UBAC2: variants seen among roughly 807,000 people sequenced by gnomAD.
UBAC2 encodes ubiquitin-associated domain-containing protein 2.
UBAC2 carries 26 observed loss-of-function variants against 44.0 expected under a neutral mutation model. That is an observed-to-expected ratio of 0.59 (90% CI 0.43 to 0.82). The LOEUF is 0.82. Ranked by LOEUF, UBAC2 falls within the 40% of genes least tolerant of loss-of-function variation. The pLI is 0.00. For missense variants in UBAC2, 329 were observed against 419.4 expected (o/e 0.78, Z 1.88); for synonymous variants, 155 against 154.3 (o/e 1.00, Z -0.04).
At chr13:99,201,452 AAC>A (rs776585568) in intron 1 of UBAC2, 27 of 1,613,968 alleles carry the variant, frequency 1.7e-5, no homozygotes, top group Non-Finnish European at 1.8e-5. Flanking sequence ...TTTTTAGACA[AAC>A]ACACACTGAT....
chr13:99,315,168 A>G lies in UBAC2; in HGVS notation c.513+948A>G, dbSNP rs138395730. On this transcript the variant is annotated intron_variant, in intron 5 of 8. Transcript: ENST00000403766. The stretch of plus-strand genomic sequence containing the variant: ...CAACCGTTTCTCATGAAATCTTTTT[A>G]TTCTCCATCTCTCAACCCCCGTACC... 3.4e-3 allele frequency among the ~76,000 whole-genome samples: 520 copies of G among 151,986 alleles called. 10 individuals carry two copies. Among genetic ancestry groups the G allele is most frequent in the Non-Finnish European group, 7.8e-4 (53 of 67,976 alleles).
intron 6 of UBAC2, among the ~76,000 whole-genome samples, chr13:99,327,968 C>T (rs535237069): frequency 4.6e-5 from 7 of 152,266 alleles, no homozygotes; most frequent in African/African-American, 1.4e-4. Context: ...AAAGCAGTCT[C>T]CTGACCATGA....
intron 1 of UBAC2, among the ~76,000 whole-genome samples, chr13:99,205,544 T>A (rs1248047374): frequency 6.6e-6 from 1 of 152,156 alleles, no homozygotes; most frequent in Non-Finnish European, 1.5e-5. Context: ...CTGTTATTTT[T>A]TGTTTTAAGA....
intron 4 of UBAC2, among the ~76,000 whole-genome samples, chr13:99,272,373 C>G (rs572487115): frequency 6.6e-6 from 1 of 152,184 alleles, no homozygotes; most frequent in African/African-American, 2.4e-5. Context: ...TCATGGCCAC[C>G]TTGTTTTATC....
chr13:99,250,524 T>C (rs571326473), intron 4 of UBAC2, among the ~76,000 whole-genome samples: 1 of 152,322 alleles, frequency 6.6e-6, no homozygotes, highest in South Asian at 2.1e-4. Context: ...TTTCTTTTTT[T>C]TCCCTTAGGA....
chr13:99,303,808 G>C (rs1156708331), intron 4 of UBAC2, among the ~76,000 whole-genome samples: 1 of 152,126 alleles, frequency 6.6e-6, no homozygotes, highest in East Asian at 1.9e-4. Flanking sequence ...TTATTTTATG[G>C]ATAAACTGAA....
At chr13:99,233,441 A>G (rs188829034) in intron 1 of UBAC2, among the ~76,000 whole-genome samples, 2 of 152,266 alleles carry the variant, frequency 1.3e-5, no homozygotes, top group South Asian at 2.1e-4. Context: ...CCATTTCCCA[A>G]CATTCCCTAA....
intron 6 of UBAC2, 70 bp from the exon 7 acceptor site, chr13:99,340,250 T>C (rs2044863595): frequency 9.6e-6 from 15 of 1,561,320 alleles, no homozygotes; most frequent in Non-Finnish European, 1.3e-5. Context: ...AGGCTGCTGA[T>C]TTTTGAGTCG....
chr13:99,222,722 CT>C (rs1392914840), intron 1 of UBAC2, among the ~76,000 whole-genome samples: 1 of 152,124 alleles, frequency 6.6e-6, no homozygotes, highest in Non-Finnish European at 1.5e-5. Context: ...ATGATGTATT[CT>C]TTTTATATAA....
intron 4 of UBAC2, among the ~76,000 whole-genome samples, chr13:99,251,498 T>C (rs553070327): frequency 6.6e-6 from 1 of 152,350 alleles, no homozygotes; most frequent in African/African-American, 2.4e-5. Context: ...TTAAATCTTT[T>C]CTTGTCTACT....
chr13:99,241,649 G>C (rs2142732287), intron 2 of UBAC2, among the ~76,000 whole-genome samples: 1 of 152,026 alleles, frequency 6.6e-6, no homozygotes. Flanking sequence ...TCTGGAAATA[G>C]ATAGTGGTGA....
intron 4 of UBAC2, among the ~76,000 whole-genome samples, chr13:99,246,460 G>A (rs1036561459): frequency 6.6e-6 from 1 of 152,070 alleles, no homozygotes; most frequent in Non-Finnish European, 1.5e-5. Flanking sequence ...TCTCCTATCA[G>A]GCCAGTTCTT....
intron 8 of UBAC2, among the ~76,000 whole-genome samples, chr13:99,371,900 C>T (rs1406578878): frequency 6.6e-6 from 1 of 152,176 alleles, no homozygotes; most frequent in Non-Finnish European, 1.5e-5. Flanking sequence ...AGTTTGATAG[C>T]CATAGAAATC....
chr13:99,266,984 T>C (rs2043752302), intron 4 of UBAC2, among the ~76,000 whole-genome samples: 1 of 152,056 alleles, frequency 6.6e-6, no homozygotes, highest in South Asian at 2.1e-4. Context: ...ATGCCCAGTT[T>C]CTCCCTATCT....
At chr13:99,351,509 A>G in intron 7 of UBAC2, 1 of 456,690 alleles carries the variant, frequency 2.2e-6, no homozygotes, top group Non-Finnish European at 4.4e-6. Flanking sequence ...TCCCTGCTGT[A>G]GAAGGTTATA....
intron 7 of UBAC2, among the ~76,000 whole-genome samples, chr13:99,352,100 A>G (rs1300888737): frequency 2.0e-5 from 3 of 152,210 alleles, no homozygotes; most frequent in African/African-American, 7.2e-5. Flanking sequence ...CCTGTCAATC[A>G]TGAGAGTTCC....
intron 1 of UBAC2, among the ~76,000 whole-genome samples, chr13:99,222,820 T>A (rs1373152581): frequency 6.6e-6 from 1 of 152,210 alleles, no homozygotes; most frequent in Non-Finnish European, 1.5e-5. Context: ...TTTTGCCTTT[T>A]AATATCTTTG....
At chr13:99,299,799 A>G (rs1263413142) in intron 4 of UBAC2, among the ~76,000 whole-genome samples, 1 of 152,134 alleles carries the variant, frequency 6.6e-6, no homozygotes, top group Admixed American at 6.5e-5. Flanking sequence ...GAGCTTGAGC[A>G]TTGCTACCCC....
At chr13:99,380,665 C>T (rs910972710) in intron 8 of UBAC2, among the ~76,000 whole-genome samples, 6 of 152,200 alleles carry the variant, frequency 3.9e-5, no homozygotes, top group African/African-American at 7.2e-5. Context: ...GTTGTCATCG[C>T]ATACCCAAGC....
Sources: allele counts gnomAD v4.1 joint callset (sites outside exome capture counted in the v4.1 genomes callset), GRCh38; gene constraint gnomAD v4.1.1; transcripts MANE v1.5; gene names NCBI Gene and HGNC (gene_info 2026-07-23, HGNC 2026-07-21).